Variants in CHD6 observed in about 807,000 individuals in gnomAD.
CHD6 encodes the protein chromodomain helicase DNA binding protein 6, also known as ATP-dependent chromatin remodeler CHD6.
Under a neutral mutation model 276.9 loss-of-function variants are expected in CHD6, and 50 were observed. That is an observed-to-expected ratio of 0.18 (90% CI 0.14 to 0.23). CHD6 has a LOEUF of 0.23. Among genes scored for constraint, CHD6 ranks in the 10% least tolerant of loss-of-function variants. The pLI is 1.00. For synonymous variants in CHD6, 1,173 were observed against 1,229.3 expected (o/e 0.95, Z 0.96); for missense variants, 2,564 against 3,365.8 (o/e 0.76, Z 5.89).
chr20:41,473,567 T>C lies in CHD6; in HGVS notation c.2469-50A>G, dbSNP rs999612056. ...GCCCAGGCGTTAATCATGACTTCAA[T>C]GGAGAACAGCACAAAATGCAGGAAG... On this transcript the variant is annotated intron_variant, in intron 16 of 36. Coordinates refer to ENST00000373233, the MANE Select transcript of CHD6 (RefSeq NM_032221.5). The surrounding 1 kb of genome is among the most constrained non-coding windows in gnomAD (Gnocchi z 4.1). The C allele has an allele frequency of 6.8e-7, 1 of 1,474,946 alleles. No individual in the cohort carries two copies. Among genetic ancestry groups the C allele is most frequent in the South Asian group, 1.1e-5 (1 of 86,990 alleles). The allele number at this position is 1,474,946 out of a possible 1,614,324, so 91.4% of individuals were successfully genotyped here.
chr20:41,488,366 AGT>A, intron 13 of CHD6, 60 bp downstream of exon 13: 1 of 1,418,094 alleles, frequency 7.1e-7, no homozygotes, highest in African/African-American at 1.4e-5. Context: ...ATGGCTAAAG[AGT>A]GTTTCCTCCA....
chr20:41,543,730 G>C (rs1007421517), intron 2 of CHD6, among the ~76,000 whole-genome samples: 1 of 152,178 alleles, frequency 6.6e-6, no homozygotes, highest in Non-Finnish European at 1.5e-5. Context: ...AACCACCATC[G>C]TAAGAATGTA....
At chr20:41,525,105 C>T (rs1034771331) in intron 3 of CHD6, among the ~76,000 whole-genome samples, 4 of 152,144 alleles carry the variant, frequency 2.6e-5, no homozygotes, top group African/African-American at 7.2e-5. Flanking sequence ...CTACAAGCCT[C>T]GCCCCTGAAT....
chr20:41,456,413 G>T lies in CHD6; in HGVS notation c.2830-434C>A, dbSNP rs866524193. Among the ~76,000 whole-genome samples, 5 of 151,654 alleles carry T rather than the reference G, an allele frequency of 3.3e-5. No individual in the cohort carries two copies. The South Asian group carries it at 8.3e-4, about 25-fold the overall frequency. ...TATGTATATTAGTATTGTAAATGAG[G>T]TCATTTCTCAACTAAAAAAAAAATG... On this transcript the variant is annotated intron_variant, in intron 18 of 36. Transcript: ENST00000373233.
Position 41,421,612 on chromosome 20 carries a change from G to T in CHD6, c.5023C>A (p.Pro1675Thr). ...VESRDDHLSL[P>T]DVTCENFISK... ...ATAAAGTTTTCACATGTCACATCAG[G>T]CAGGCTGAGATGATCATCTCTGCTT... is the stretch of plus-strand genomic sequence containing the variant. The change falls in exon 31 of 37, where the codon CCT (proline) becomes ACT (threonine). Residue 1675 changes from proline to threonine, a missense_variant. By Grantham distance (38) the Pro-to-Thr change is conservative. Coordinates refer to ENST00000373233, the MANE Select transcript of CHD6 (RefSeq NM_032221.5). The T allele has an allele frequency of 6.2e-7, 1 of 1,613,890 alleles. No homozygotes were observed. The highest frequency in any genetic ancestry group is 8.5e-7 in the Non-Finnish European group (1 of 1,179,950).
intron 23 of CHD6, among the ~76,000 whole-genome samples, chr20:41,448,269 C>T (rs1281081339): frequency 6.6e-6 from 1 of 152,156 alleles, no homozygotes; most frequent in Non-Finnish European, 1.5e-5. Context: ...TCCATGTGGC[C>T]ACAGTGACCT....
chr20:41,423,546 T>C lies in CHD6; in HGVS notation c.4501A>G (p.Ser1501Gly), dbSNP rs747082661. 3.7e-6 allele frequency: 6 copies of C among 1,614,108 alleles called. No individual in the cohort carries two copies. Among genetic ancestry groups the C allele is most frequent in the Middle Eastern group, 1.6e-4 (1 of 6,084 alleles). ...SDESLEQYFYSFVAMCRNVCR... is the reference protein window; with the variant it reads ...SDESLEQYFYGFVAMCRNVCR... The stretch of plus-strand genomic sequence containing the variant: ...ACATTCCGGCACATGGCCACAAAAC[T>C]ATAAAAATACTGTTCCAGGCTCTCA... Residue 1501 changes from serine to glycine, a missense_variant, in exon 30 of 37, where the codon AGT (serine) becomes GGT (glycine). By Grantham distance (56) the Ser-to-Gly change is moderately conservative. Transcript: ENST00000373233.
chr20:41,414,537 C>T (rs2046935596), intron 34 of CHD6: 2 of 176,778 alleles, frequency 1.1e-5, no homozygotes, highest in Admixed American at 6.3e-5. Context: ...TGGGAAAACC[C>T]AAAATACAAC....
chr20:41,490,172 T>C (rs1159395601), intron 11 of CHD6, 151 bp from the exon 12 acceptor site: 2 of 733,468 alleles, frequency 2.7e-6, no homozygotes, highest in East Asian at 5.1e-5. Context: ...TTAGTTATTA[T>C]TATTATTCCT....
intron 33 of CHD6, 101 bp downstream of exon 33, chr20:41,416,486 CT>C: frequency 8.8e-7 from 1 of 1,134,600 alleles, no homozygotes; most frequent in Non-Finnish European, 1.3e-6. Context: ...AAAAAAACCC[CT>C]ATCCACTCAG....
At chr20:41,454,824 A>T (rs771732209) in intron 19 of CHD6, 88 bp from the exon 20 acceptor site, 2 of 818,972 alleles carry the variant, frequency 2.4e-6, no homozygotes, top group Non-Finnish European at 3.9e-6. Context: ...AAACCTAAGT[A>T]TATTATCTAT....
At chr20:41,528,575 T>C (rs1011155030) in intron 3 of CHD6, among the ~76,000 whole-genome samples, 19 of 152,166 alleles carry the variant, frequency 1.2e-4, no homozygotes, top group Admixed American at 1.3e-4. Context: ...ACTAAACTCA[T>C]ACTCAAAAAT....
At chr20:41,526,729 CTT>C (rs751315938) in intron 3 of CHD6, among the ~76,000 whole-genome samples, 4 of 152,190 alleles carry the variant, frequency 2.6e-5, no homozygotes, top group Non-Finnish European at 5.9e-5. Context: ...TTCTTTTCCT[CTT>C]TTTGCTTTTT....
intron 25 of CHD6, among the ~76,000 whole-genome samples, chr20:41,440,741 T>G (rs952977294): frequency 6.6e-6 from 1 of 152,198 alleles, no homozygotes; most frequent in Non-Finnish European, 1.5e-5. Flanking sequence ...AAAACAATTT[T>G]AAAAACCCTG....
chr20:41,508,663 C>G (rs1338514075), intron 5 of CHD6, among the ~76,000 whole-genome samples: 2 of 152,164 alleles, frequency 1.3e-5, no homozygotes, highest in Non-Finnish European at 2.9e-5. Context: ...CCAGGCTGAG[C>G]TGACAGAAGC....
rs754805970 is a variant in CHD6, at chr20:41,421,325, A to G, written c.5310T>C (p.Ala1770=). Reference sequence around the variant, plus strand: ...GTTTTCCATTTTTGATGTTTGCTTGAGCTACTCCTCCTGCTTCTAAGCTAC... The same window carrying G: ...GTTTTCCATTTTTGATGTTTGCTTGGGCTACTCCTCCTGCTTCTAAGCTAC... ...FMGSLEAGGV[A]QANIKNGKHL... Residue 1770 remains alanine (A), a synonymous_variant, in exon 31 of 37, where the codon GCT becomes GCC. Transcript: ENST00000373233. 1.2e-6 allele frequency: 2 copies of G among 1,614,130 alleles called. No individual in the cohort carries two copies. The highest frequency in any genetic ancestry group is 1.1e-5 in the South Asian group (1 of 91,062).
intron 5 of CHD6, among the ~76,000 whole-genome samples, chr20:41,505,353 C>T (rs2145928055): frequency 6.6e-6 from 1 of 152,262 alleles, no homozygotes; most frequent in East Asian, 1.9e-4. Flanking sequence ...TTGAGGAAAT[C>T]CCCTTGCTTT....
intron 2 of CHD6, among the ~76,000 whole-genome samples, chr20:41,535,849 C>T (rs2044819263): frequency 6.6e-6 from 1 of 152,094 alleles, no homozygotes; most frequent in Non-Finnish European, 1.5e-5. Flanking sequence ...CTGGGCAACA[C>T]AGCAAGACTC....
At chr20:41,615,838 A>G (rs1007375203) in intron 1 of CHD6, among the ~76,000 whole-genome samples, 1 of 152,244 alleles carries the variant, frequency 6.6e-6, no homozygotes, top group African/African-American at 2.4e-5. Flanking sequence ...ATAACACAGG[A>G]AGACATAACC....
Sources: allele counts gnomAD v4.1 joint callset (sites outside exome capture counted in the v4.1 genomes callset), GRCh38; gene constraint gnomAD v4.1.1; non-coding constraint Gnocchi (gnomAD v3.1); transcripts MANE v1.5; gene names NCBI Gene and HGNC (gene_info 2026-07-23, HGNC 2026-07-21).